Variants in PDE7B observed in about 807,000 individuals in gnomAD.
The protein encoded by PDE7B is 3',5'-cyclic-AMP phosphodiesterase 7B.
PDE7B carries 29 observed loss-of-function variants against 56.2 expected under a neutral mutation model. The ratio of observed to expected loss-of-function variants is 0.52; its 90% CI spans 0.38 to 0.70. PDE7B has a LOEUF of 0.70. Among genes scored for constraint, PDE7B ranks in the 30% least tolerant of loss-of-function variants. The pLI is 0.00. For missense variants in PDE7B, 490 were observed against 565.0 expected (o/e 0.87, Z 1.35); for synonymous variants, 197 against 196.9 (o/e 1.00, Z 0.00).
intron 2 of PDE7B, among the ~76,000 whole-genome samples, chr6:135,969,712 G>T (rs940518267): frequency 6.6e-6 from 1 of 152,120 alleles, no homozygotes; most frequent in East Asian, 1.9e-4. Context: ...ATAGGTACAG[G>T]CAAAGATTTC....
intron 1 of PDE7B, among the ~76,000 whole-genome samples, chr6:135,854,573 TCA>T (rs1168471161): frequency 4.6e-4 from 70 of 152,340 alleles, no homozygotes; most frequent in African/African-American, 1.7e-3. Context: ...GAGGTCTCTC[TCA>T]CAGCACAAAG....
chr6:135,964,900 G>C (rs1665156424), intron 2 of PDE7B, among the ~76,000 whole-genome samples: 1 of 152,212 alleles, frequency 6.6e-6, no homozygotes, highest in Non-Finnish European at 1.5e-5. Flanking sequence ...CCAGCACTTT[G>C]GGAGCCTGAG....
intron 2 of PDE7B, among the ~76,000 whole-genome samples, chr6:135,967,796 A>G (rs576496366): frequency 6.6e-6 from 1 of 152,330 alleles, no homozygotes; most frequent in African/African-American, 2.4e-5. Context: ...TCGTATAAGG[A>G]GAAGACTAAA....
rs186066665 is a variant in PDE7B, at chr6:136,124,275, T to A, written c.166+15461T>A. Among the ~76,000 whole-genome samples the A allele has an allele frequency of 3.7e-3, 559 of 152,178 alleles. 3 individuals carry two copies. The highest frequency in any genetic ancestry group is 0.013 in the African/African-American group (533 of 41,536). Reference sequence around the variant, plus strand: ...GTGGAAGAATTTAAAAATTTTAAAATTCTGCCCAAATTGTGGAGTGCAATT... The same window carrying A: ...GTGGAAGAATTTAAAAATTTTAAAAATCTGCCCAAATTGTGGAGTGCAATT... On this transcript the variant is annotated intron_variant, in intron 3 of 12. Coordinates refer to ENST00000308191, the MANE Select transcript of PDE7B (RefSeq NM_018945.4).
chr6:136,150,035 A>T (rs1210762792), intron 5 of PDE7B, among the ~76,000 whole-genome samples: 2 of 152,234 alleles, frequency 1.3e-5, no homozygotes, highest in Non-Finnish European at 2.9e-5. Context: ...CCTGTGAACA[A>T]AAGAACTTGT....
chr6:136,050,583 G>A (rs1583850457), intron 2 of PDE7B, among the ~76,000 whole-genome samples: 1 of 152,090 alleles, frequency 6.6e-6, no homozygotes, highest in Non-Finnish European at 1.5e-5. Flanking sequence ...TTGCCTGGAG[G>A]TAGAATTTCA....
chr6:135,907,696 A>G (rs1337421196), intron 1 of PDE7B, among the ~76,000 whole-genome samples: 4 of 152,176 alleles, frequency 2.6e-5, no homozygotes, highest in South Asian at 4.1e-4. Context: ...AGCTTAGTAC[A>G]AGGATATAAA....
intron 3 of PDE7B, among the ~76,000 whole-genome samples, chr6:136,133,967 T>C (rs1217689241): frequency 6.6e-6 from 1 of 151,936 alleles, no homozygotes; most frequent in Non-Finnish European, 1.5e-5. Context: ...TTTTGGGAGA[T>C]AAAAATGGAA....
chr6:136,031,841 C>T (rs1294058607), intron 2 of PDE7B, among the ~76,000 whole-genome samples: 1 of 151,038 alleles, frequency 6.6e-6, no homozygotes, highest in African/African-American at 2.4e-5. Flanking sequence ...TATTAGTGGT[C>T]TAGTTTATTT....
chr6:135,933,621 C>CATAG (rs1204594160), intron 1 of PDE7B, among the ~76,000 whole-genome samples: 1 of 152,090 alleles, frequency 6.6e-6, no homozygotes, highest in Non-Finnish European at 1.5e-5. Context: ...GCTAAGAATA[C>CATAG]ATAGAGATAA....
chr6:136,170,693 G>C (rs910306686), intron 8 of PDE7B, among the ~76,000 whole-genome samples: 2 of 152,140 alleles, frequency 1.3e-5, no homozygotes, highest in Non-Finnish European at 2.9e-5. Flanking sequence ...GATAGAGGGG[G>C]CTGTACCTTG....
At chr6:136,157,344 G>T (rs1405071127) in intron 8 of PDE7B, among the ~76,000 whole-genome samples, 4 of 152,178 alleles carry the variant, frequency 2.6e-5, no homozygotes, top group Admixed American at 6.5e-5. Flanking sequence ...ACTTTGGGAG[G>T]CTGAGGCAGG....
chr6:135,978,611 A>C (rs920310338), intron 2 of PDE7B, among the ~76,000 whole-genome samples: 1 of 152,076 alleles, frequency 6.6e-6, no homozygotes, highest in African/African-American at 2.4e-5. Flanking sequence ...TTAGCTGAAA[A>C]CACAAACATA....
chr6:135,902,963 C>T (rs1379900612), intron 1 of PDE7B, among the ~76,000 whole-genome samples: 4 of 152,178 alleles, frequency 2.6e-5, no homozygotes, highest in Non-Finnish European at 5.9e-5. Flanking sequence ...CACAAAGTCA[C>T]AGCACTGAGT....
intron 1 of PDE7B, among the ~76,000 whole-genome samples, chr6:135,926,126 G>C (rs368908126): frequency 2.6e-5 from 3 of 117,242 alleles, no homozygotes; most frequent in Admixed American, 2.3e-4. Flanking sequence ...TCACTCTGTC[G>C]CCCAGGCTGC....
At chr6:135,863,179 A>C (rs936122504) in intron 1 of PDE7B, among the ~76,000 whole-genome samples, 4 of 152,028 alleles carry the variant, frequency 2.6e-5, no homozygotes, top group Non-Finnish European at 4.4e-5. Flanking sequence ...TATTCATCAT[A>C]TCATTGAAAT....
At chr6:136,156,828 A>C (rs1399488640) in intron 8 of PDE7B, among the ~76,000 whole-genome samples, 3 of 151,416 alleles carry the variant, frequency 2.0e-5, no homozygotes, top group Admixed American at 2.0e-4. Context: ...AATTTTGTCA[A>C]AAAATTGTGA....
intron 1 of PDE7B, among the ~76,000 whole-genome samples, chr6:135,878,154 C>T (rs1338531510): frequency 1.3e-5 from 2 of 152,160 alleles, no homozygotes; most frequent in African/African-American, 2.4e-5. Context: ...TTAGTTGCCA[C>T]GTTTCTCTCA....
chr6:135,919,144 A>ATGAGTTCT (rs1422456312), intron 1 of PDE7B, among the ~76,000 whole-genome samples: 2 of 152,222 alleles, frequency 1.3e-5, no homozygotes, highest in Non-Finnish European at 2.9e-5. Flanking sequence ...TCTTCTCAAA[A>ATGAGTTCT]CAAAAGAACT....
Sources: allele counts gnomAD v4.1 joint callset (sites outside exome capture counted in the v4.1 genomes callset), GRCh38; gene constraint gnomAD v4.1.1; transcripts MANE v1.5; gene names NCBI Gene and HGNC (gene_info 2026-07-23, HGNC 2026-07-21).